Variants in DHTKD1 observed in about 807,000 individuals in gnomAD.
DHTKD1 encodes the protein 2-oxoadipate dehydrogenase complex component E1.
A neutral mutation model predicts 101.8 loss-of-function variants in DHTKD1; 78 were observed. The ratio of observed to expected loss-of-function variants is 0.77; its 90% CI spans 0.64 to 0.93. The LOEUF is 0.93. Ranked by LOEUF, DHTKD1 falls within the 40% of genes least tolerant of loss-of-function variation. The pLI is 0.00. For synonymous variants in DHTKD1, 462 were observed against 450.3 expected, an observed-to-expected ratio of 1.03 and a Z score of -0.33; for missense variants, 1,223 against 1,161.7, an observed-to-expected ratio of 1.05 and a Z score of -0.77.
intron 10 of DHTKD1, among the ~76,000 whole-genome samples, chr10:12,104,937 C>T (rs1228819874): frequency 1.3e-5 from 2 of 150,462 alleles, no homozygotes; most frequent in African/African-American, 4.9e-5. Context: ...TGCAGTGGCA[C>T]AATCTCGGCT....
At chr10:12,077,761 G>C (rs533161190) in intron 1 of DHTKD1, among the ~76,000 whole-genome samples, 3 of 151,878 alleles carry the variant, frequency 2.0e-5, no homozygotes, top group Non-Finnish European at 4.4e-5. Context: ...CCTTCACGTC[G>C]TACTCATGCT....
chr10:12,094,885 C>T (rs1481920954), intron 7 of DHTKD1, among the ~76,000 whole-genome samples: 1 of 152,126 alleles, frequency 6.6e-6, no homozygotes, highest in East Asian at 1.9e-4. Context: ...AAGTGATCCA[C>T]CTGCCTTAGC....
Position 12,097,960 on chromosome 10 carries a change from G to T in DHTKD1, c.1635G>T (p.Leu545=). Residue 545 remains leucine (L), a synonymous_variant, in exon 8 of 17, where the codon CTG becomes CTT. Coordinates refer to ENST00000263035, the MANE Select transcript of DHTKD1 (RefSeq NM_018706.7). Reference sequence around the variant, plus strand: ...AGTCTGTAGAGGTGCCAAGAGAGCTGCAGATGCACAGTCACCTGCTGAAGA... The same window carrying T: ...AGTCTGTAGAGGTGCCAAGAGAGCTTCAGATGCACAGTCACCTGCTGAAGA... ...GMKSVEVPRE[L]QMHSHLLKTH... 6.2e-7 allele frequency: 1 copy of T among 1,613,286 alleles called. No homozygotes were observed. The highest frequency in any genetic ancestry group is 8.5e-7 in the Non-Finnish European group (1 of 1,179,364).
chr10:12,081,692 TC>T, intron 2 of DHTKD1, 65 bp downstream of exon 2: 1 of 1,587,958 alleles, frequency 6.3e-7, no homozygotes, highest in Non-Finnish European at 8.6e-7. Context: ...CTGCCTCTGT[TC>T]TTGAAGAAGC....
At chr10:12,076,424 C>T (rs1162350745) in intron 1 of DHTKD1, among the ~76,000 whole-genome samples, 5 of 150,468 alleles carry the variant, frequency 3.3e-5, no homozygotes, top group Admixed American at 2.7e-4. Context: ...TGCAGTGAGC[C>T]GAGATGGTGC....
chr10:12,069,728 G>C (rs1246441789), intron 1 of DHTKD1, among the ~76,000 whole-genome samples: 2 of 133,258 alleles, frequency 1.5e-5, no homozygotes, highest in East Asian at 4.4e-4. Flanking sequence ...AGTAGAGATG[G>C]GGTCCCACCA....
In DHTKD1 at chr10:12,094,252, A is replaced by G. The variant is rs762716813; in HGVS notation, c.1339A>G (p.Ile447Val). 5 of 1,614,138 alleles carry G rather than the reference A, an allele frequency of 3.1e-6. No individual in the cohort carries two copies. In the Admixed American group the frequency reaches 6.7e-5, roughly 22 times the overall value. Reference protein sequence around the residue: ...ELDEPFYTNPIMYKIIRARKS... With the variant: ...ELDEPFYTNPVMYKIIRARKS... ...GGATGAGCCATTCTACACCAACCCC[A>G]TCATGTACAAAATCATCAGGTACAA... The change falls in exon 7 of 17, where the codon ATC becomes GTC. Residue 447 changes from isoleucine to valine, a missense_variant. Ile to Val is a conservative substitution (Grantham distance 29). Transcript: ENST00000263035.
chr10:12,103,471 A>G lies in DHTKD1; in HGVS notation c.1896+2290A>G, dbSNP rs1466670125. On this transcript the variant is annotated intron_variant, in intron 10 of 16. Transcript: ENST00000263035. This position sits in a 1 kb window ranked among gnomAD's most constrained non-coding sequence, Gnocchi z 4.8. ...GTCCTTGGGGTGTGTTTTTCCCCCAACTTCGTTGTACATCTCAATCTGTGT... is the reference window on the plus strand; with the variant it reads ...GTCCTTGGGGTGTGTTTTTCCCCCAGCTTCGTTGTACATCTCAATCTGTGT... Among the ~76,000 whole-genome samples the G allele has an allele frequency of 1.4e-5, 2 of 146,410 alleles. No individual in the cohort carries two copies. Among genetic ancestry groups the G allele is most frequent in the African/African-American group, 5.0e-5 (2 of 39,906 alleles).
intron 1 of DHTKD1, among the ~76,000 whole-genome samples, chr10:12,074,353 G>A (rs753077326): frequency 6.6e-6 from 1 of 151,716 alleles, no homozygotes; most frequent in Non-Finnish European, 1.5e-5. Flanking sequence ...GCTAATTTTT[G>A]TATTTTTTTG....
At chr10:12,093,492 C>T (rs899527377) in intron 6 of DHTKD1, among the ~76,000 whole-genome samples, 5 of 152,132 alleles carry the variant, frequency 3.3e-5, no homozygotes, top group African/African-American at 1.2e-4. Context: ...TGAAATTGGT[C>T]ATCTTAAGAT....
In DHTKD1 at chr10:12,122,880, A is replaced by C. The variant is rs934439993; in HGVS notation, c.*1992A>C. 3 of 152,396 alleles carry C rather than the reference A, an allele frequency of 2.0e-5. No individual in the cohort carries two copies. Among genetic ancestry groups the C allele is most frequent in the African/African-American group, 7.2e-5 (3 of 41,588 alleles). 9.4% of individuals were successfully genotyped at this position (152,396 alleles called of 1,614,324 possible). A position where few individuals can be genotyped will look rare whatever the true frequency, so the allele number is the denominator to read the frequency against. ...TCTCTGAAGTGGTGTGGGAAGTACCAGGGGACTGGCAGAAGCCCAGGCCCT... is the reference window on the plus strand; with the variant it reads ...TCTCTGAAGTGGTGTGGGAAGTACCCGGGGACTGGCAGAAGCCCAGGCCCT... On this transcript the variant is annotated 3_prime_UTR_variant, in exon 17 of 17. Transcript: ENST00000263035.
At position 12,112,887 on chromosome 10, in the gene DHTKD1, A is replaced by C; in HGVS notation, c.2155-13A>C. On this transcript the variant is annotated splice_polypyrimidine_tract_variant and intron_variant, in intron 12 of 16. Transcript: ENST00000263035. ...CTGAACATTCTTCTCCTTTCTTGCC[A>C]CTTCTCTCCCAGATGTGTGACAGTG... The C allele has an allele frequency of 6.3e-7, 1 of 1,581,956 alleles. No homozygotes were observed. The highest frequency in any genetic ancestry group is 8.6e-7 in the Non-Finnish European group (1 of 1,164,720).
intron 2 of DHTKD1, among the ~76,000 whole-genome samples, chr10:12,081,877 G>A (rs531961392): frequency 5.3e-4 from 81 of 151,732 alleles, no homozygotes; most frequent in African/African-American, 2.0e-3. Context: ...CATAATCCCA[G>A]CACTTTGGGA....
At chr10:12,118,954 G>C (rs1327463501) in intron 15 of DHTKD1, 36 bp downstream of exon 15, 1 of 1,466,950 alleles carries the variant, frequency 6.8e-7, no homozygotes, top group Non-Finnish European at 9.1e-7. Flanking sequence ...TTGATGTTCA[G>C]ATACCCAAAA....
At chr10:12,092,542 G>A (rs1209836490) in intron 6 of DHTKD1, among the ~76,000 whole-genome samples, 4 of 151,936 alleles carry the variant, frequency 2.6e-5, no homozygotes, top group South Asian at 2.1e-4. Flanking sequence ...AGTGGCTCAC[G>A]TCTGTAATCC....
chr10:12,095,969 A>C (rs1833067151), intron 7 of DHTKD1, among the ~76,000 whole-genome samples: 1 of 152,152 alleles, frequency 6.6e-6, no homozygotes, highest in Non-Finnish European at 1.5e-5. Flanking sequence ...AGATTGTGCC[A>C]CTGCATTCCA....
chr10:12,074,055 G>T (rs1832687964), intron 1 of DHTKD1, among the ~76,000 whole-genome samples: 3 of 152,250 alleles, frequency 2.0e-5, no homozygotes, highest in African/African-American at 7.2e-5. Context: ...TAATTCCTGT[G>T]ACCTTTTGCA....
At chr10:12,102,148 G>A (rs1419160951) in intron 10 of DHTKD1, among the ~76,000 whole-genome samples, 1 of 151,992 alleles carries the variant, frequency 6.6e-6, no homozygotes, top group Non-Finnish European at 1.5e-5. Flanking sequence ...CTTGGTGGCC[G>A]GGTGTGGTGG....
chr10:12,082,569 C>T (rs1459689210), intron 2 of DHTKD1, among the ~76,000 whole-genome samples: 1 of 151,298 alleles, frequency 6.6e-6, no homozygotes, highest in South Asian at 2.1e-4. Context: ...TCTTAGGGTT[C>T]GGGGGGTTAC....
Sources: allele counts gnomAD v4.1 joint callset (sites outside exome capture counted in the v4.1 genomes callset), GRCh38; gene constraint gnomAD v4.1.1; non-coding constraint Gnocchi (gnomAD v3.1); transcripts MANE v1.5; gene names NCBI Gene and HGNC (gene_info 2026-07-23, HGNC 2026-07-21).